TSC22D1: variants seen among roughly 807,000 people sequenced by gnomAD.
The protein encoded by TSC22D1 is TSC22 domain family member 1, also known as TSC22 domain family protein 1.
In TSC22D1, 9 loss-of-function variants were observed where a neutral mutation model predicts 74.2. The ratio of observed to expected loss-of-function variants is 0.12; its 90% CI spans 0.07 to 0.21. The LOEUF (loss-of-function observed/expected upper bound fraction) is 0.21, where lower values mean the gene tolerates loss of function less well. Ranked by LOEUF, TSC22D1 falls within the 10% of genes least tolerant of loss-of-function variation. The pLI is 1.00. For missense variants in TSC22D1, 1,427 were observed against 1,304.7 expected (o/e 1.09, Z -1.44); for synonymous variants, 586 against 492.5 (o/e 1.19, Z -2.51).
At chr13:44,450,951 G>A (rs1876080156) in intron 1 of TSC22D1, among the ~76,000 whole-genome samples, 1 of 152,198 alleles carries the variant, frequency 6.6e-6, no homozygotes, top group South Asian at 2.1e-4. Flanking sequence ...TGAGTTTTCT[G>A]TGGATCTAGT....
At chr13:44,467,093 T>C (rs9525960) in intron 1 of TSC22D1, among the ~76,000 whole-genome samples, 15,052 of 151,520 alleles carry the variant, frequency 0.099, 777 homozygotes, top group Non-Finnish European at 0.11. Context: ...ACACGGGAGG[T>C]GGAGGTTGCA....
chr13:44,539,451 G>A lies in TSC22D1; in HGVS notation c.2912+33712C>T, dbSNP rs193234875. The A allele has an allele frequency of 2.5e-5, 25 of 985,274 alleles. No individual in the cohort carries two copies. In the African/African-American group the frequency reaches 4.2e-4, roughly 16 times the overall value. 61.0% of individuals were successfully genotyped at this position (985,274 alleles called of 1,614,324 possible). A position where few individuals can be genotyped will look rare whatever the true frequency, so the allele number is the denominator to read the frequency against. On this transcript the variant is annotated intron_variant, in intron 1 of 2. Transcript: ENST00000458659. The stretch of plus-strand genomic sequence containing the variant: ...CCTTTTAAATTACTTGAATATAAAA[G>A]AGCACTTAGAAGTCCACTAATACCA...
chr13:44,534,910 C>A (rs1881059308), intron 1 of TSC22D1, among the ~76,000 whole-genome samples: 1 of 151,986 alleles, frequency 6.6e-6, no homozygotes, highest in South Asian at 2.1e-4. Flanking sequence ...CTCAACTTAC[C>A]AAAGTACAGT....
At position 44,575,426 on chromosome 13, in the gene TSC22D1, G is replaced by C. The variant is rs138462219; in HGVS notation, c.649C>G (p.Pro217Ala). The C allele has an allele frequency of 2.5e-6, 4 of 1,614,040 alleles. No individual in the cohort carries two copies. Among genetic ancestry groups the C allele is most frequent in the Non-Finnish European group, 3.4e-6 (4 of 1,179,962 alleles). The change falls in exon 1 of 3, where the codon CCA becomes GCA. Residue 217 changes from proline to alanine, a missense_variant. By Grantham distance (27) the Pro-to-Ala change is conservative (BLOSUM62 -1). Around this residue, in one of 3 missense-constraint regions of TSC22D1, gnomAD observed 1,343 missense variants for 1,191.5 expected, o/e 1.13. Transcript: ENST00000458659. ...QNVVINGNAH[P>A]HHLHHHHQIH... is the part of the protein sequence containing the mutation. ...TGATGGTGGTGATGGAGGTGGTGTG[G>C]ATGAGCATTCCCATTGATCACAACA...
At chr13:44,466,651 C>T (rs1877304294) in intron 1 of TSC22D1, among the ~76,000 whole-genome samples, 1 of 151,906 alleles carries the variant, frequency 6.6e-6, no homozygotes, top group African/African-American at 2.4e-5. Context: ...ATACCTGTAG[C>T]CCCAGCTACT....
At chr13:44,479,722 A>C (rs1415104810) in intron 1 of TSC22D1, among the ~76,000 whole-genome samples, 1 of 152,212 alleles carries the variant, frequency 6.6e-6, no homozygotes. Flanking sequence ...CTGTATGCTA[A>C]ATCTGAGTCA....
chr13:44,543,834 G>A (rs1248650840), intron 1 of TSC22D1, among the ~76,000 whole-genome samples: 1 of 152,240 alleles, frequency 6.6e-6, no homozygotes, highest in Non-Finnish European at 1.5e-5. Context: ...GCTCACGCCT[G>A]TAATCCCAGC....
chr13:44,456,368 G>A (rs369171354), intron 1 of TSC22D1, among the ~76,000 whole-genome samples: 5 of 152,220 alleles, frequency 3.3e-5, no homozygotes, highest in African/African-American at 1.2e-4. Flanking sequence ...ACAGAGTACC[G>A]ATTGGTCTGT....
intron 1 of TSC22D1, among the ~76,000 whole-genome samples, chr13:44,526,770 A>T (rs564695126): frequency 6.6e-6 from 1 of 152,348 alleles, no homozygotes; most frequent in African/African-American, 2.4e-5. Context: ...TTAAAATAGT[A>T]ATCGAAGAAA....
intron 1 of TSC22D1, among the ~76,000 whole-genome samples, chr13:44,496,285 C>T (rs527894991): frequency 3.8e-4 from 58 of 152,268 alleles, no homozygotes; most frequent in African/African-American, 1.3e-3. Flanking sequence ...TAGTGGCTCA[C>T]GCCCATAATC....
At chr13:44,512,170 CT>C in intron 1 of TSC22D1, among the ~76,000 whole-genome samples, 1 of 151,558 alleles carries the variant, frequency 6.6e-6, no homozygotes, top group Admixed American at 6.6e-5. Flanking sequence ...TGTTTGTTTT[CT>C]TTTTTTGTTT....
At chr13:44,455,624 T>C (rs1355465250) in intron 1 of TSC22D1, among the ~76,000 whole-genome samples, 1 of 152,236 alleles carries the variant, frequency 6.6e-6, no homozygotes, top group Admixed American at 6.5e-5. Flanking sequence ...TCCTGTAGAA[T>C]CATCTGTCTA....
chr13:44,449,851 C>A (rs924420901), intron 1 of TSC22D1, among the ~76,000 whole-genome samples: 4 of 152,160 alleles, frequency 2.6e-5, no homozygotes, highest in Non-Finnish European at 4.4e-5. Flanking sequence ...TAAAAACTTT[C>A]TATACATTAG....
At chr13:44,506,774 C>A (rs951908770) in intron 1 of TSC22D1, among the ~76,000 whole-genome samples, 1 of 152,134 alleles carries the variant, frequency 6.6e-6, no homozygotes, top group African/African-American at 2.4e-5. Flanking sequence ...ACTGGGTGAC[C>A]AGTAAGGTGT....
At chr13:44,510,133 T>C (rs961255917) in intron 1 of TSC22D1, among the ~76,000 whole-genome samples, 8 of 151,312 alleles carry the variant, frequency 5.3e-5, no homozygotes, top group Admixed American at 2.0e-4. Flanking sequence ...CCTGTAATCC[T>C]AGCACTCTGG....
Position 44,573,558 on chromosome 13 carries a change from A to T in TSC22D1, c.2517T>A (p.Thr839=). 5.0e-6 allele frequency: 8 copies of T among 1,614,266 alleles called. No homozygotes were observed. The highest frequency in any genetic ancestry group is 5.9e-6 in the Non-Finnish European group (7 of 1,180,058). Residue 839 remains threonine (T), a synonymous_variant, in exon 1 of 3, where the codon ACT becomes ACA. Coordinates refer to ENST00000458659, the MANE Select transcript of TSC22D1 (RefSeq NM_183422.4). ...SISVTSQVSS[T]GPSGMPSAPT... ...GGGCAGAAGGCATTCCAGAAGGACC[A>T]GTTGAACTAACCTGACTTGTAACAG...
chr13:44,517,997 T>C (rs1297521873), intron 1 of TSC22D1, among the ~76,000 whole-genome samples: 3 of 146,930 alleles, frequency 2.0e-5, no homozygotes, highest in African/African-American at 7.5e-5. Flanking sequence ...GCTGGGGCTA[T>C]AGACGTGCAC....
At chr13:44,566,544 C>T (rs919884046) in intron 1 of TSC22D1, among the ~76,000 whole-genome samples, 1 of 152,106 alleles carries the variant, frequency 6.6e-6, no homozygotes, top group Admixed American at 6.6e-5. Context: ...AGAGAACTAA[C>T]TTGGAGCTAT....
intron 1 of TSC22D1, among the ~76,000 whole-genome samples, chr13:44,512,481 T>C (rs1324618181): frequency 6.6e-6 from 1 of 151,966 alleles, no homozygotes; most frequent in Non-Finnish European, 1.5e-5. Context: ...GGATATTTAT[T>C]TCAAACTCAA....
Sources: gnomAD v4.1 joint callset for allele counts (sites outside exome capture counted in the v4.1 genomes callset) on GRCh38, gnomAD v4.1.1 for gene constraint, gnomAD v4.1.1 regional missense constraint, MANE v1.5 for transcripts, NCBI Gene and HGNC (gene_info 2026-07-23, HGNC 2026-07-21) for gene names.